Variants in TBR1 observed in about 807,000 individuals in gnomAD.
TBR1 encodes the protein T-box brain transcription factor 1.
A neutral mutation model predicts 60.3 loss-of-function variants in TBR1; 7 were observed. The ratio of observed to expected loss-of-function variants is 0.12; its 90% CI spans 0.07 to 0.22. The LOEUF (loss-of-function observed/expected upper bound fraction) is 0.22, where lower values mean the gene tolerates loss of function less well. TBR1 is among the 10% of genes least tolerant of loss of function. TBR1 has a pLI of 1.00. For synonymous variants in TBR1, 417 were observed against 409.9 expected (o/e 1.02, Z -0.21); for missense variants, 616 against 936.8 (o/e 0.66, Z 4.47).
intron 5 of TBR1, 91 bp from the exon 6 acceptor site, chr2:161,423,278 T>G (rs1297966477): frequency 7.0e-6 from 7 of 1,001,500 alleles, no homozygotes; most frequent in Non-Finnish European, 9.9e-6. Context: ...GGGCGAAAAG[T>G]GGAGGTGGCC....
In TBR1 at chr2:161,416,301, G is replaced by C. The variant is rs140079558; in HGVS notation, c.-110G>C. 76 of 873,664 alleles carry C rather than the reference G, an allele frequency of 8.7e-5. No individual in the cohort carries two copies. The African/African-American group carries it at 1.2e-3, about 13-fold the overall frequency. 54.1% of individuals were successfully genotyped at this position (873,664 alleles called of 1,614,324 possible). On this transcript the variant is annotated 5_prime_UTR_variant, in exon 1 of 6. Transcript: ENST00000389554. The surrounding 1 kb of genome is among the most constrained non-coding windows in gnomAD (Gnocchi z 6.1). ...TAAATCAAACCTTTGAGAAGCATTTGCTGGTTGAAGTGCTTTCTGTCTAGT... is the reference window on the plus strand; with the variant it reads ...TAAATCAAACCTTTGAGAAGCATTTCCTGGTTGAAGTGCTTTCTGTCTAGT...
Position 161,416,639 on chromosome 2 carries a change from G to A in TBR1, c.229G>A (p.Asp77Asn). The A allele has an allele frequency of 6.2e-7, 1 of 1,614,176 alleles. No individual in the cohort carries two copies. The highest frequency in any genetic ancestry group is 1.1e-5 in the South Asian group (1 of 91,082). ...TCCTGACTCCAAGGACTCACCAGGGGACGTCCAGAGAAGTAAACTCTCTCC... is the reference window on the plus strand; with the variant it reads ...TCCTGACTCCAAGGACTCACCAGGGAACGTCCAGAGAAGTAAACTCTCTCC... ...NFPDSKDSPGDVQRSKLSPVL... is the reference protein window; with the variant it reads ...NFPDSKDSPGNVQRSKLSPVL... The change falls in exon 1 of 6, where the codon GAC becomes AAC. Residue 77 changes from aspartate (D) to asparagine (N), a missense_variant. Around this residue, in one of 8 missense-constraint regions of TBR1, gnomAD observed 211 missense variants for 268.7 expected, o/e 0.79. Coordinates refer to ENST00000389554, the MANE Select transcript of TBR1 (RefSeq NM_006593.4). The surrounding 1 kb of genome is among the most constrained non-coding windows in gnomAD (Gnocchi z 6.1).
In TBR1 at chr2:161,417,029, T is replaced by C; in HGVS notation, c.619T>C (p.Tyr207His). 1 of 1,613,906 alleles carries C rather than the reference T, an allele frequency of 6.2e-7. No homozygotes were observed. The change falls in exon 1 of 6, where the codon TAC becomes CAC. Residue 207 changes from tyrosine (Y) to histidine (H), a missense_variant. Tyr to His is a moderately conservative substitution (Grantham distance 83). This residue lies in a region of TBR1 where 211 missense variants were observed against 268.7 expected (regional missense o/e 0.79). Coordinates refer to ENST00000389554, the MANE Select transcript of TBR1 (RefSeq NM_006593.4). The surrounding 1 kb of genome is among the most constrained non-coding windows in gnomAD (Gnocchi z 5.3). ...GCTGGTGCCCGGCAAAGCACAGGTG[T>C]ACCTGTGCAACAGGCCCCTTTGGCT... Reference protein sequence around the residue: ...PGLVPGKAQVYLCNRPLWLKF... With the variant: ...PGLVPGKAQVHLCNRPLWLKF...
chr2:161,424,478 C>G lies in TBR1; in HGVS notation c.*251C>G. ...CCTTTTGGTTTTCCTACTTACTCTT[C>G]TTCTGTGGAGTTATCCTCCTACAAT... On this transcript the variant is annotated 3_prime_UTR_variant, in exon 6 of 6. Transcript: ENST00000389554. This position sits in a 1 kb window ranked among gnomAD's most constrained non-coding sequence, Gnocchi z 4.4. 2.1e-6 allele frequency: 1 copy of G among 478,090 alleles called. No individual in the cohort carries two copies. The highest frequency in any genetic ancestry group is 3.7e-6 in the Non-Finnish European group (1 of 268,706). 29.6% of individuals were successfully genotyped at this position (478,090 alleles called of 1,614,324 possible).
chr2:161,421,922 A>G (rs1248702679), intron 5 of TBR1: 1 of 130,838 alleles, frequency 7.6e-6, no homozygotes, highest in Non-Finnish European at 1.6e-5. Flanking sequence ...TCTTTCATAA[A>G]AGCTTCTTTA....
At position 161,416,707 on chromosome 2, in the gene TBR1, C is replaced by T; in HGVS notation, c.297C>T (p.Gly99=). 1 of 1,614,098 alleles carries T rather than the reference C, an allele frequency of 6.2e-7. No individual in the cohort carries two copies. The highest frequency in any genetic ancestry group is 8.5e-7 in the Non-Finnish European group (1 of 1,179,976). Residue 99 remains glycine (G), a synonymous_variant, in exon 1 of 6, where the codon GGC becomes GGT. Transcript: ENST00000389554. The surrounding 1 kb of genome is among the most constrained non-coding windows in gnomAD (Gnocchi z 6.1). ...GVSELRHSFD[G]SAADRYLLSQ... ...CTGAGCTTCGTCACAGTTTCGATGG[C>T]TCTGCTGCAGATCGCTACCTCCTCT... is the stretch of plus-strand genomic sequence containing the variant.
chr2:161,420,418 CTTT>C (rs67826360), intron 5 of TBR1, 161 bp downstream of exon 5: 1,403 of 95,170 alleles, frequency 0.015, no homozygotes, highest in Middle Eastern at 0.048. Context: ...TCTTCCTCTT[CTTT>C]TTTTTTTTTT....
At position 161,423,518 on chromosome 2, in the gene TBR1, C is replaced by A; in HGVS notation, c.1340C>A (p.Pro447Gln). ...VSNYAKARFHPGAGAGPGPGT... is the reference protein window; with the variant it reads ...VSNYAKARFHQGAGAGPGPGT... ...AACTACGCCAAGGCCCGCTTCCACC[C>A]GGGCGCGGGCGCGGGCCCCGGGCCG... The change falls in exon 6 of 6, where the codon CCG (proline) becomes CAG (glutamine). Residue 447 changes from proline (P) to glutamine (Q), a missense_variant. By Grantham distance (76) the Pro-to-Gln change is moderately conservative. Transcript: ENST00000389554. 6.3e-7 allele frequency: 1 copy of A among 1,579,294 alleles called. No individual in the cohort carries two copies. The highest frequency in any genetic ancestry group is 1.4e-5 in the African/African-American group (1 of 72,160).
At position 161,417,065 on chromosome 2, in the gene TBR1, C is replaced by T; in HGVS notation, c.655C>T (p.Arg219Trp). 1 of 1,610,174 alleles carries T rather than the reference C, an allele frequency of 6.2e-7. No individual in the cohort carries two copies. Among genetic ancestry groups the T allele is most frequent in the Non-Finnish European group, 8.5e-7 (1 of 1,178,330 alleles). ...CAGGCCCCTTTGGCTGAAATTTCAC[C>T]GGCACCAAACGGAGATGATCATCAC... ...CNRPLWLKFH[R>W]HQTEMIITKQ... Residue 219 changes from arginine (R) to tryptophan (W), a missense_variant, in exon 1 of 6, where the codon CGG (arginine) becomes TGG (tryptophan). This residue lies in a region of TBR1 where 4 missense variants were observed against 35.5 expected (regional missense o/e 0.11). Transcript: ENST00000389554. This position sits in a 1 kb window ranked among gnomAD's most constrained non-coding sequence, Gnocchi z 5.3.
In TBR1 at chr2:161,424,077, G is replaced by A. The variant is rs1467253239; in HGVS notation, c.1899G>A (p.Glu633=). The change falls in exon 6 of 6, where the codon GAG becomes GAA. Residue 633 remains glutamate (E), a synonymous_variant. Coordinates refer to ENST00000389554, the MANE Select transcript of TBR1 (RefSeq NM_006593.4). The surrounding 1 kb of genome is among the most constrained non-coding windows in gnomAD (Gnocchi z 4.4). ...SIDSSDSGIY[E]QAKRRRISPA... ...ACTCCAGCGACTCGGGGATTTACGA[G>A]CAGGCCAAGCGGAGGCGGATCTCGC... 1 of 1,611,202 alleles carries A rather than the reference G, an allele frequency of 6.2e-7. No individual in the cohort carries two copies.
chr2:161,423,356 C>T lies in TBR1; in HGVS notation c.1191-13C>T. 2 of 1,412,384 alleles carry T rather than the reference C, an allele frequency of 1.4e-6. No homozygotes were observed. The highest frequency in any genetic ancestry group is 1.9e-6 in the Non-Finnish European group (2 of 1,059,204). 87.5% of individuals were successfully genotyped at this position (1,412,384 alleles called of 1,614,324 possible). On this transcript the variant is annotated splice_polypyrimidine_tract_variant and intron_variant, in intron 5 of 5. Transcript: ENST00000389554. ...ACCCCTCGGCTCTCTCTCTCTCTCT[C>T]CCTACCCCGCAGGATCTACACCGGC...
rs1216002098 is a variant in TBR1 at position 161,417,838 on chromosome 2, C to T, written c.847+8C>T. On this transcript the variant is annotated splice_region_variant and intron_variant, in intron 2 of 5. Transcript: ENST00000389554. This position sits in a 1 kb window ranked among gnomAD's most constrained non-coding sequence, Gnocchi z 5.3. ...CGGACACCAATGTGCAAGGCAAGTC[C>T]TTCCAATTAACACATTTTCTTGACA... 1 of 1,613,102 alleles carries T rather than the reference C, an allele frequency of 6.2e-7. No homozygotes were observed. Among genetic ancestry groups the T allele is most frequent in the Admixed American group, 1.7e-5 (1 of 59,726 alleles).
intron 5 of TBR1, chr2:161,421,675 T>C (rs1030299995): frequency 6.6e-6 from 1 of 152,266 alleles, no homozygotes; most frequent in Non-Finnish European, 1.5e-5. Flanking sequence ...ACTGCTTTTT[T>C]CTTTTTAAAA....
chr2:161,419,263 C>A, intron 4 of TBR1: 1 of 624,832 alleles, frequency 1.6e-6, no homozygotes, highest in Non-Finnish European at 2.6e-6. Flanking sequence ...TATTTGTTTT[C>A]GTCGCTGGTC....
At chr2:161,418,144 G>T in intron 2 of TBR1, 57 bp from the exon 3 acceptor site, 1 of 1,563,640 alleles carries the variant, frequency 6.4e-7, no homozygotes, top group Middle Eastern at 2.0e-4. Flanking sequence ...TACGTGGTGA[G>T]GAGCTGGGAC....
Position 161,417,040 on chromosome 2 carries a change from C to G in TBR1, c.630C>G (p.Asn210Lys). ...GCAAAGCACAGGTGTACCTGTGCAA[C>G]AGGCCCCTTTGGCTGAAATTTCACC... The part of the protein sequence containing the change: ...VPGKAQVYLC[N>K]RPLWLKFHRH... Residue 210 changes from asparagine (N) to lysine (K), a missense_variant, in exon 1 of 6, where the codon AAC becomes AAG. This residue lies in a region of TBR1 where 211 missense variants were observed against 268.7 expected (regional missense o/e 0.79). Coordinates refer to ENST00000389554, the MANE Select transcript of TBR1 (RefSeq NM_006593.4). This position sits in a 1 kb window ranked among gnomAD's most constrained non-coding sequence, Gnocchi z 5.3. 6.2e-7 allele frequency: 1 copy of G among 1,612,672 alleles called. No homozygotes were observed. Among genetic ancestry groups the G allele is most frequent in the South Asian group, 1.1e-5 (1 of 90,800 alleles).
At position 161,423,525 on chromosome 2, in the gene TBR1, G is replaced by A. The variant is rs773410212; in HGVS notation, c.1347G>A (p.Ala449=). 5 of 1,580,750 alleles carry A rather than the reference G, an allele frequency of 3.2e-6. No homozygotes were observed. The Admixed American group carries it at 8.9e-5, about 28-fold the overall frequency. The change falls in exon 6 of 6, where the codon GCG becomes GCA. Residue 449 remains alanine (A), a synonymous_variant. Coordinates refer to ENST00000389554, the MANE Select transcript of TBR1 (RefSeq NM_006593.4). ...CCAAGGCCCGCTTCCACCCGGGCGCGGGCGCGGGCCCCGGGCCGGGTACGG... is the reference window on the plus strand; with the variant it reads ...CCAAGGCCCGCTTCCACCCGGGCGCAGGCGCGGGCCCCGGGCCGGGTACGG... ...NYAKARFHPG[A]GAGPGPGTDR...
chr2:161,421,356 A>G (rs1684228264), intron 5 of TBR1: 1 of 152,252 alleles, frequency 6.6e-6, no homozygotes, highest in African/African-American at 2.4e-5. Context: ...AAAGAGAGTC[A>G]TTGATATTAC....
At chr2:161,419,196 C>G in intron 4 of TBR1, 146 bp downstream of exon 4, 1 of 1,199,270 alleles carries the variant, frequency 8.3e-7, no homozygotes, top group Non-Finnish European at 1.2e-6. Context: ...AGGCTTAGGG[C>G]TCGGGGCCTG....
Sources: allele counts gnomAD v4.1 joint callset, GRCh38; gene constraint gnomAD v4.1.1; regional missense constraint gnomAD v4.1.1; non-coding constraint Gnocchi (gnomAD v3.1); transcripts MANE v1.5; gene names NCBI Gene and HGNC (gene_info 2026-07-23, HGNC 2026-07-21).